The following ADD1 variants were observed in gnomAD, a reference collection of about 807,000 sequenced individuals.
ADD1 encodes the protein adducin 1.
ADD1 carries 24 observed loss-of-function variants against 80.5 expected under a neutral mutation model. That is an observed-to-expected ratio of 0.30 (90% confidence interval 0.22 to 0.42). The LOEUF is 0.42. Ranked by LOEUF, ADD1 falls within the 10% of genes least tolerant of loss-of-function variation. The pLI is 1.00. For synonymous variants in ADD1, 373 were observed against 393.8 expected (o/e 0.95, Z 0.63); for missense variants, 948 against 1,019.0 (o/e 0.93, Z 0.95).
intron 1 of ADD1, among the ~76,000 whole-genome samples, chr4:2,855,596 C>A (rs957503148): frequency 1.3e-5 from 2 of 151,454 alleles, no homozygotes; most frequent in Admixed American, 1.3e-4. Flanking sequence ...ATTCAACTCT[C>A]AAGTTACATG....
intron 1 of ADD1, among the ~76,000 whole-genome samples, chr4:2,871,260 C>T (rs117416040): frequency 7.9e-5 from 12 of 152,156 alleles, no homozygotes; most frequent in East Asian, 5.8e-4. Flanking sequence ...CGTGAGCCAC[C>T]GTGCCTGGCC....
chr4:2,871,356 A>G (rs1730426432), intron 1 of ADD1, among the ~76,000 whole-genome samples: 2 of 152,170 alleles, frequency 1.3e-5, no homozygotes, highest in Admixed American at 6.5e-5. Flanking sequence ...ACTGAAGGGG[A>G]AATATGATTG....
intron 13 of ADD1, among the ~76,000 whole-genome samples, chr4:2,911,449 T>TATATATA (rs1553848841): frequency 2.2e-5 from 2 of 92,590 alleles, no homozygotes; most frequent in African/African-American, 7.6e-5. Context: ...TATATATATA[T>TATATATA]TTTTTTTTTT....
chr4:2,909,539 A>G (rs1175606556), intron 13 of ADD1, 108 bp downstream of exon 13: 2 of 772,860 alleles, frequency 2.6e-6, no homozygotes, highest in Non-Finnish European at 4.2e-6. Context: ...AAGTAGCTTC[A>G]AATGGATCTT....
intron 9 of ADD1, among the ~76,000 whole-genome samples, chr4:2,904,219 G>A (rs1327631000): frequency 6.6e-6 from 1 of 152,120 alleles, no homozygotes; most frequent in African/African-American, 2.4e-5. Context: ...TGAACCCCCT[G>A]TATAACCAGC....
intron 1 of ADD1, among the ~76,000 whole-genome samples, chr4:2,850,590 T>C (rs982174694): frequency 4.6e-5 from 7 of 152,254 alleles, no homozygotes; most frequent in African/African-American, 1.7e-4. Context: ...CATGCCCGGC[T>C]AATTTTTTGT....
chr4:2,849,110 A>C (rs1034106101), intron 1 of ADD1, among the ~76,000 whole-genome samples: 2 of 152,154 alleles, frequency 1.3e-5, no homozygotes, highest in African/African-American at 4.8e-5. Flanking sequence ...ACTCCTACCA[A>C]CTGTGTATTT....
chr4:2,922,537 G>C (rs1209203261), intron 14 of ADD1, among the ~76,000 whole-genome samples: 1 of 152,242 alleles, frequency 6.6e-6, no homozygotes, highest in African/African-American at 2.4e-5. Context: ...GCACCTGCCA[G>C]ATGCCAGCTG....
intron 6 of ADD1, among the ~76,000 whole-genome samples, chr4:2,897,858 G>T (rs1191550047): frequency 4.6e-5 from 7 of 152,120 alleles, no homozygotes; most frequent in African/African-American, 1.7e-4. Context: ...GTCCTCAGAG[G>T]AGTCTGTGGT....
chr4:2,926,653 G>T lies in ADD1; in HGVS notation c.2047+541G>T, dbSNP rs765171956. ...TGCGTCACAAGCAGGAGACGGATGC[G>T]CTAGAGAGTACCTGTTACCCTAGTA... On this transcript the variant is annotated intron_variant, in intron 15 of 15. Transcript: ENST00000683351. The surrounding 1 kb of genome is among the most constrained non-coding windows in gnomAD (Gnocchi z 5.0). 1.5e-5 allele frequency: 24 copies of T among 1,613,730 alleles called. No individual in the cohort carries two copies. The East Asian group carries it at 5.1e-4, about 34-fold the overall frequency.
chr4:2,893,630 A>G (rs1340126214), intron 4 of ADD1, among the ~76,000 whole-genome samples: 5 of 151,980 alleles, frequency 3.3e-5, no homozygotes, highest in African/African-American at 2.4e-5. Context: ...AAAAAAGAAT[A>G]ATGTAAGTTT....
intron 1 of ADD1, among the ~76,000 whole-genome samples, chr4:2,852,075 A>G (rs1449023252): frequency 6.6e-6 from 1 of 151,938 alleles, no homozygotes; most frequent in East Asian, 1.9e-4. Flanking sequence ...ACCTCAGGTG[A>G]TCTGCCCGCC....
intron 14 of ADD1, among the ~76,000 whole-genome samples, chr4:2,916,759 C>T (rs1051852361): frequency 6.6e-6 from 1 of 152,128 alleles, no homozygotes; most frequent in African/African-American, 2.4e-5. Context: ...TTGTTCAATC[C>T]CCACTTATGA....
chr4:2,852,195 T>TTTCTTTCTTTC (rs1341444750), intron 1 of ADD1, among the ~76,000 whole-genome samples: 9 of 110,026 alleles, frequency 8.2e-5, no homozygotes, highest in African/African-American at 2.2e-4. Context: ...TCTTTCTTTC[T>TTTCTTTCTTTC]TTCCTTTCTT....
Position 2,894,685 on chromosome 4 carries a change from C to T in ADD1, c.695C>T (p.Pro232Leu), listed in dbSNP as rs370683439. ...CACTCTGCAATTTATGCTGCACGCC[C>T]GGACGTGAAGTGCGTCGTGCACATT... ...TLHSAIYAAR[P>L]DVKCVVHIHT... The change falls in exon 6 of 16, where the codon CCG becomes CTG. Residue 232 changes from proline (P) to leucine (L), a missense_variant. Coordinates refer to ENST00000683351, the MANE Select transcript of ADD1 (RefSeq NM_001354761.2). 8.6e-5 allele frequency: 137 copies of T among 1,601,376 alleles called. No individual in the cohort carries two copies. Among genetic ancestry groups the T allele is most frequent in the Non-Finnish European group, 1.1e-4 (128 of 1,176,732 alleles).
chr4:2,909,452 A>ACTAC (rs1333359258), intron 13 of ADD1, 21 bp downstream of exon 13: 1 of 1,531,078 alleles, frequency 6.5e-7, no homozygotes, highest in East Asian at 2.5e-5. Context: ...CCCTGTCCTC[A>ACTAC]CTACCTGTCT....
intron 13 of ADD1, among the ~76,000 whole-genome samples, chr4:2,911,450 T>TATATATA (rs67360075): frequency 8.9e-6 from 1 of 112,484 alleles, no homozygotes; most frequent in African/African-American, 3.8e-5. Context: ...ATATATATAT[T>TATATATA]TTTTTTTTTT....
chr4:2,852,239 CTTTCTTTCT>C (rs1577419534), intron 1 of ADD1, among the ~76,000 whole-genome samples: 5 of 55,116 alleles, frequency 9.1e-5, no homozygotes, highest in Non-Finnish European at 1.5e-4. Flanking sequence ...TCCTTTCTTT[CTTTCTTTCT>C]CTTTCTTTCT....
chr4:2,885,854 C>T (rs1356017670), intron 4 of ADD1, among the ~76,000 whole-genome samples: 7 of 152,148 alleles, frequency 4.6e-5, no homozygotes, highest in South Asian at 4.1e-4. Context: ...TTGTGATCCG[C>T]CCGCCTTGGC....
Sources: gnomAD v4.1 joint callset for allele counts (sites outside exome capture counted in the v4.1 genomes callset) on GRCh38, gnomAD v4.1.1 for gene constraint, Gnocchi (gnomAD v3.1) non-coding constraint, MANE v1.5 for transcripts, NCBI Gene and HGNC (gene_info 2026-07-23, HGNC 2026-07-21) for gene names.